Variants in PDE10A observed in about 807,000 individuals in gnomAD.
PDE10A encodes phosphodiesterase 10A.
In PDE10A, 39 loss-of-function variants were observed where a neutral mutation model predicts 97.7. The observed-to-expected ratio is 0.40, with a 90% confidence interval of 0.31 to 0.52. The LOEUF (loss-of-function observed/expected upper bound fraction) is 0.52, where lower values mean the gene tolerates loss of function less well. Among genes scored for constraint, PDE10A ranks in the 20% least tolerant of loss-of-function variants. The probability of loss-of-function intolerance (pLI) is 0.56; values close to 1 mark genes in which losing one functional copy is unlikely to be tolerated. For synonymous variants in PDE10A, 371 were observed against 376.8 expected, an observed-to-expected ratio of 0.98 and a Z score of 0.18; for missense variants, 731 against 1,047.8, an observed-to-expected ratio of 0.70 and a Z score of 4.17.
intron 1 of PDE10A, among the ~76,000 whole-genome samples, chr6:165,595,150 C>G (rs1054475596): frequency 6.6e-6 from 1 of 152,166 alleles, no homozygotes; most frequent in Non-Finnish European, 1.5e-5. Context: ...GGAAATGGCT[C>G]CCTTAAGCCC....
At chr6:165,967,418 T>C (rs1188371107) in intron 1 of PDE10A, among the ~76,000 whole-genome samples, 3 of 152,142 alleles carry the variant, frequency 2.0e-5, no homozygotes, top group Non-Finnish European at 2.9e-5. Context: ...AATCACTTGA[T>C]ACCGGGAGGC....
At chr6:165,410,770 G>A (rs965994492) in intron 13 of PDE10A, among the ~76,000 whole-genome samples, 1 of 151,744 alleles carries the variant, frequency 6.6e-6, no homozygotes, top group African/African-American at 2.4e-5. Context: ...ATAATTGTGA[G>A]GAAACACCAG....
chr6:165,445,865 G>A (rs1339377632), intron 5 of PDE10A, among the ~76,000 whole-genome samples: 1 of 151,540 alleles, frequency 6.6e-6, no homozygotes, highest in South Asian at 2.1e-4. Context: ...CCATTTAAGA[G>A]GCCCATGGAA....
chr6:165,336,049 G>A, intron 21 of PDE10A, 74 bp downstream of exon 21: 1 of 1,111,084 alleles, frequency 9.0e-7, no homozygotes, highest in Non-Finnish European at 1.4e-6. Context: ...ACACACTAGT[G>A]GGGTACAAAA....
At chr6:165,403,919 C>T (rs892785903) in intron 13 of PDE10A, among the ~76,000 whole-genome samples, 4 of 152,040 alleles carry the variant, frequency 2.6e-5, no homozygotes, top group Non-Finnish European at 4.4e-5. Context: ...TTCCTTTTTA[C>T]GGCTGAATAA....
At chr6:165,492,470 T>C (rs1436219026) in intron 2 of PDE10A, among the ~76,000 whole-genome samples, 1 of 152,074 alleles carries the variant, frequency 6.6e-6, no homozygotes, top group African/African-American at 2.4e-5. Flanking sequence ...GCTAACCAAA[T>C]CCAACATCAT....
At chr6:165,553,701 G>C (rs1403925678) in intron 1 of PDE10A, among the ~76,000 whole-genome samples, 1 of 152,182 alleles carries the variant, frequency 6.6e-6, no homozygotes, top group African/African-American at 2.4e-5. Context: ...TTTATCAGAA[G>C]ATAAATTCCA....
intron 2 of PDE10A, among the ~76,000 whole-genome samples, chr6:165,495,759 C>A (rs547553008): frequency 6.6e-6 from 1 of 152,144 alleles, no homozygotes; most frequent in Non-Finnish European, 1.5e-5. Flanking sequence ...TCACTAGACT[C>A]TCAAATATGT....
At chr6:165,735,603 C>T (rs940917313) in intron 1 of PDE10A, among the ~76,000 whole-genome samples, 4 of 152,030 alleles carry the variant, frequency 2.6e-5, no homozygotes, top group African/African-American at 9.7e-5. Flanking sequence ...TGCTGTAGAA[C>T]CAGGAAAAGC....
intron 18 of PDE10A, among the ~76,000 whole-genome samples, chr6:165,358,725 T>C (rs1021215017): frequency 7.9e-5 from 12 of 151,890 alleles, no homozygotes; most frequent in Non-Finnish European, 1.8e-4. Flanking sequence ...TGGGATTTGT[T>C]TTCTATTTGT....
At chr6:165,754,113 TG>T (rs1286473653) in intron 1 of PDE10A, 1 of 152,236 alleles carries the variant, frequency 6.6e-6, no homozygotes, top group Non-Finnish European at 1.5e-5. Context: ...AGTTACCTGA[TG>T]TGCATACGAT....
At chr6:165,924,603 T>A (rs1782871433) in intron 1 of PDE10A, among the ~76,000 whole-genome samples, 1 of 152,204 alleles carries the variant, frequency 6.6e-6, no homozygotes, top group Non-Finnish European at 1.5e-5. Flanking sequence ...CCATGTTGCA[T>A]AGAAGATCTC....
intron 5 of PDE10A, among the ~76,000 whole-genome samples, chr6:165,442,233 G>A (rs998044153): frequency 5.3e-5 from 8 of 152,072 alleles, no homozygotes; most frequent in Non-Finnish European, 1.2e-4. Flanking sequence ...ATGTTGGTGT[G>A]CTGCACCCAT....
At chr6:165,501,449 T>G (rs7763028) in intron 2 of PDE10A, among the ~76,000 whole-genome samples, 4,807 of 151,962 alleles carry the variant, frequency 0.032, 245 homozygotes, top group African/African-American at 0.11. Context: ...TAGTCCCAGC[T>G]ACTCAGGAGG....
intron 1 of PDE10A, among the ~76,000 whole-genome samples, chr6:165,767,508 T>G (rs6916709): frequency 0.059 from 8,994 of 152,254 alleles, 897 homozygotes; most frequent in African/African-American, 0.2. Context: ...GCCTTCATAT[T>G]CCATGCACTT....
At chr6:165,594,732 C>T (rs1275268999) in intron 1 of PDE10A, among the ~76,000 whole-genome samples, 2 of 152,190 alleles carry the variant, frequency 1.3e-5, no homozygotes, top group Admixed American at 6.5e-5. Context: ...TTACTCATCA[C>T]AAAGGAGAAA....
chr6:165,370,921 A>C (rs1192713740), intron 18 of PDE10A, among the ~76,000 whole-genome samples: 1 of 145,754 alleles, frequency 6.9e-6, no homozygotes, highest in Non-Finnish European at 1.5e-5. Context: ...CAGGGTTAAG[A>C]AACTCACTCA....
rs908036459 is a variant in PDE10A at position 165,558,576 on chromosome 6, G to A, written c.866-15008C>T. Among the ~76,000 whole-genome samples, 5 of 151,988 alleles carry A rather than the reference G, an allele frequency of 3.3e-5. No homozygotes were observed. In the East Asian group the frequency reaches 5.8e-4, roughly 18 times the overall value. On this transcript the variant is annotated intron_variant, in intron 1 of 21. Coordinates refer to ENST00000539869, the MANE Select transcript of PDE10A (RefSeq NM_001385079.1). The stretch of plus-strand genomic sequence containing the variant: ...TGTCATATTTTTTCTTTCTTTGCTC[G>A]CAAATATACCTTCTTAAAAATGTTT...
At chr6:165,717,552 C>T (rs1259943841) in intron 1 of PDE10A, among the ~76,000 whole-genome samples, 2 of 150,694 alleles carry the variant, frequency 1.3e-5, no homozygotes, top group Admixed American at 1.3e-4. Context: ...CCACTGCATT[C>T]CAGCCTGGGC....
Sources: gnomAD v4.1 joint callset for allele counts (sites outside exome capture counted in the v4.1 genomes callset) on GRCh38, gnomAD v4.1.1 for gene constraint, MANE v1.5 for transcripts, NCBI Gene and HGNC (gene_info 2026-07-23, HGNC 2026-07-21) for gene names.